The following CSMD1 variants were observed in gnomAD, a reference collection of about 807,000 sequenced individuals.
CSMD1 encodes CUB and sushi domain-containing protein 1.
CSMD1 carries 213 observed loss-of-function variants against 417.5 expected under a neutral mutation model. The observed-to-expected ratio is 0.51, with a 90% CI of 0.46 to 0.57. The LOEUF (loss-of-function observed/expected upper bound fraction) is 0.57, where lower values mean the gene tolerates loss of function less well. CSMD1 is among the 20% of genes least tolerant of loss of function. The probability of loss-of-function intolerance (pLI) is 0.00; values close to 1 mark genes in which losing one functional copy is unlikely to be tolerated. For synonymous variants in CSMD1, 2,862 were observed against 1,736.8 expected, an observed-to-expected ratio of 1.65 and a Z score of -16.11; for missense variants, 6,923 against 4,529.7, an observed-to-expected ratio of 1.53 and a Z score of -15.17.
At position 3,946,499 on chromosome 8, in the gene CSMD1, G is replaced by C. The variant is rs148800725; in HGVS notation, c.818+51404C>G. ...CACTTTGTTCTTTTTAAATCATATT[G>C]ACTATTCTAGGCCCTTGGCAATTTC... On this transcript the variant is annotated intron_variant, in intron 5 of 69. Coordinates refer to ENST00000635120, the MANE Select transcript of CSMD1 (RefSeq NM_033225.6). Among the ~76,000 whole-genome samples, 649 of 152,004 alleles carry C rather than the reference G, an allele frequency of 4.3e-3. 2 individuals carry two copies. The highest frequency in any genetic ancestry group is 5.8e-3 in the Non-Finnish European group (396 of 67,944).
At chr8:3,280,415 T>C (rs2117212476) in intron 26 of CSMD1, among the ~76,000 whole-genome samples, 1 of 152,316 alleles carries the variant, frequency 6.6e-6, no homozygotes, top group East Asian at 1.9e-4. Context: ...CTATGCTTTT[T>C]AAATGTTGTA....
At chr8:4,468,702 A>G (rs571714523) in intron 2 of CSMD1, among the ~76,000 whole-genome samples, 3 of 152,218 alleles carry the variant, frequency 2.0e-5, no homozygotes, top group African/African-American at 7.2e-5. Flanking sequence ...AAGAGTGTTT[A>G]GCATAATTCA....
At chr8:4,158,523 C>A (rs1470036362) in intron 3 of CSMD1, among the ~76,000 whole-genome samples, 27 of 152,094 alleles carry the variant, frequency 1.8e-4, no homozygotes, top group Non-Finnish European at 7.4e-5. Context: ...CCCAAAGAAA[C>A]AGTAATATTA....
rs1362123986 is a variant in CSMD1, at chr8:4,467,069, A to C, written c.303-47004T>G. 2.0e-5 allele frequency among the ~76,000 whole-genome samples: 3 copies of C among 149,374 alleles called. No homozygotes were observed. The East Asian group carries it at 6.0e-4, about 30-fold the overall frequency. On this transcript the variant is annotated intron_variant, in intron 2 of 69. Transcript: ENST00000635120. ...GGCAGAACAATTAAAAGAAGTGATTAGCTTTGATTTCTTTTCAAATTTCAA... is the reference window on the plus strand; with the variant it reads ...GGCAGAACAATTAAAAGAAGTGATTCGCTTTGATTTCTTTTCAAATTTCAA...
In CSMD1 at chr8:3,997,909, G is replaced by A. The variant is rs770338685; in HGVS notation, c.812C>T (p.Ser271Phe). The A allele has an allele frequency of 3.1e-6, 5 of 1,611,702 alleles. No individual in the cohort carries two copies. Among genetic ancestry groups the A allele is most frequent in the Non-Finnish European group, 4.2e-6 (5 of 1,178,860 alleles). ...FLEISGTEAP[S>F]IWLTGMNLPS... ...ATCTCTTCCCGGGACTTACCATATG[G>A]ATGGAGCTTCCGTGCCACTGATCTC... Residue 271 changes from serine to phenylalanine, a missense_variant, in exon 5 of 70, where the codon TCC becomes TTC. Physicochemically the swap from Ser to Phe is radical, Grantham distance 155. Coordinates refer to ENST00000635120, the MANE Select transcript of CSMD1 (RefSeq NM_033225.6).
At chr8:3,621,845 A>C (rs1796257974) in intron 7 of CSMD1, among the ~76,000 whole-genome samples, 1 of 151,882 alleles carries the variant, frequency 6.6e-6, no homozygotes, top group African/African-American at 2.4e-5. Flanking sequence ...CTGGGCTCAA[A>C]CAATTCTCCC....
intron 3 of CSMD1, among the ~76,000 whole-genome samples, chr8:4,057,438 T>A (rs1369642633): frequency 6.6e-6 from 1 of 152,330 alleles, no homozygotes; most frequent in South Asian, 2.1e-4. Context: ...TGTTAGCCCT[T>A]TGTCAGATGA....
chr8:3,671,560 CATATATATATAT>C (rs752837903), intron 7 of CSMD1, among the ~76,000 whole-genome samples: 3 of 6,540 alleles, frequency 4.6e-4, no homozygotes, highest in Non-Finnish European at 1.0e-3. Flanking sequence ...TATATATGAT[CATATATATATAT>C]ATATATATAT....
chr8:3,396,064 A>G (rs1343872017), intron 17 of CSMD1, 130 bp downstream of exon 17: 2 of 725,020 alleles, frequency 2.8e-6, no homozygotes, highest in Non-Finnish European at 4.5e-6. Flanking sequence ...ATTGCATAGT[A>G]TGGTTTTGCT....
At chr8:3,776,570 C>G (rs1312437833) in intron 5 of CSMD1, among the ~76,000 whole-genome samples, 2 of 152,120 alleles carry the variant, frequency 1.3e-5, no homozygotes, top group Non-Finnish European at 2.9e-5. Flanking sequence ...TCAAAGGTGA[C>G]TCACCTTCTT....
At chr8:3,685,993 T>C (rs1228330240) in intron 7 of CSMD1, among the ~76,000 whole-genome samples, 2 of 152,138 alleles carry the variant, frequency 1.3e-5, no homozygotes, top group South Asian at 2.1e-4. Flanking sequence ...AAATAAAATA[T>C]ATTATTCTTT....
chr8:4,358,250 G>C (rs867709924), intron 3 of CSMD1, among the ~76,000 whole-genome samples: 10 of 152,294 alleles, frequency 6.6e-5, no homozygotes, highest in African/African-American at 2.2e-4. Context: ...GGGGCTTGTT[G>C]AACTTTTGCT....
At chr8:4,647,235 ATTTT>A (rs34641878) in intron 1 of CSMD1, among the ~76,000 whole-genome samples, 1 of 140,012 alleles carries the variant, frequency 7.1e-6, no homozygotes, top group Non-Finnish European at 1.6e-5. Flanking sequence ...TGCTGTTTCT[ATTTT>A]TTTTTTTTTT....
chr8:4,172,344 A>G (rs1797812201), intron 3 of CSMD1, among the ~76,000 whole-genome samples: 2 of 152,150 alleles, frequency 1.3e-5, no homozygotes, highest in Non-Finnish European at 1.5e-5. Context: ...CATTGAGAAA[A>G]TAAAGTTTAA....
Position 3,348,239 on chromosome 8 carries a change from C to T in CSMD1, c.3305-78G>A, listed in dbSNP as rs548826671. On this transcript the variant is annotated intron_variant, in intron 21 of 69. Transcript: ENST00000635120. ...TTTAACAGATTAAAAACTTTAAAAT[C>T]ATGATAGCCTCCTCTTCTATCAACG... is the stretch of plus-strand genomic sequence containing the variant. 44 of 1,003,938 alleles carry T rather than the reference C, an allele frequency of 4.4e-5. No homozygotes were observed. The African/African-American group carries it at 6.3e-4, about 14-fold the overall frequency. The allele number at this position is 1,003,938 out of a possible 1,614,324, so 62.2% of individuals were successfully genotyped here. A position where few individuals can be genotyped will look rare whatever the true frequency, so the allele number is the denominator to read the frequency against.
intron 3 of CSMD1, among the ~76,000 whole-genome samples, chr8:4,337,844 C>T (rs1421865856): frequency 6.6e-6 from 1 of 152,038 alleles, no homozygotes; most frequent in East Asian, 1.9e-4. Flanking sequence ...ACTTCTTGTT[C>T]CTTCGTAAAG....
chr8:4,396,554 A>G (rs1427046159), intron 3 of CSMD1, among the ~76,000 whole-genome samples: 1 of 152,064 alleles, frequency 6.6e-6, no homozygotes, highest in Non-Finnish European at 1.5e-5. Flanking sequence ...TATAGCAGCA[A>G]AATTCGCAAC....
intron 3 of CSMD1, among the ~76,000 whole-genome samples, chr8:4,206,713 C>G (rs1267817844): frequency 6.6e-6 from 1 of 152,098 alleles, no homozygotes; most frequent in Non-Finnish European, 1.5e-5. Flanking sequence ...AATGGGATGG[C>G]TGGGTCAAAT....
chr8:3,839,164 T>A (rs1484879064), intron 5 of CSMD1, among the ~76,000 whole-genome samples: 7 of 126,686 alleles, frequency 5.5e-5, no homozygotes, highest in African/African-American at 2.0e-4. Context: ...CTATAGTCCC[T>A]CTCTCTATAT....
Sources: allele counts gnomAD v4.1 joint callset (sites outside exome capture counted in the v4.1 genomes callset), GRCh38; gene constraint gnomAD v4.1.1; transcripts MANE v1.5; gene names NCBI Gene and HGNC (gene_info 2026-07-23, HGNC 2026-07-21).